The following IL1RAPL1 variants were observed in gnomAD, a reference collection of about 807,000 sequenced individuals.
IL1RAPL1 encodes interleukin-1 receptor accessory protein-like 1.
A neutral mutation model predicts 48.4 loss-of-function variants in IL1RAPL1; 3 were observed. The observed-to-expected ratio is 0.06, with a 90% CI of 0.03 to 0.16. The LOEUF (loss-of-function observed/expected upper bound fraction) is 0.16. Among genes scored for constraint, IL1RAPL1 ranks in the 10% least tolerant of loss-of-function variants. IL1RAPL1 has a pLI of 1.00. For synonymous variants in IL1RAPL1, 185 were observed against 187.7 expected, an observed-to-expected ratio of 0.99 and a Z score of 0.12; for missense variants, 349 against 530.6, an observed-to-expected ratio of 0.66 and a Z score of 3.36.
chrX:29,788,521 C>T (rs1303929046), intron 6 of IL1RAPL1, among the ~76,000 whole-genome samples: 1 of 110,871 alleles, frequency 9.0e-6, no homozygotes, highest in Non-Finnish European at 1.9e-5. Flanking sequence ...TCTTTTTTCC[C>T]TTTCATTTTG....
At chrX:29,477,196 A>C (rs1934987320) in intron 5 of IL1RAPL1, among the ~76,000 whole-genome samples, 1 of 111,432 alleles carries the variant, frequency 9.0e-6, no homozygotes, top group Non-Finnish European at 1.9e-5. Context: ...TTGAAAATGG[A>C]AAAAATAGGA....
intron 6 of IL1RAPL1, among the ~76,000 whole-genome samples, chrX:29,795,353 T>C (rs1372045166): frequency 8.9e-6 from 1 of 112,243 alleles, no homozygotes; most frequent in Non-Finnish European, 1.9e-5. Context: ...ATTTCAACCA[T>C]ATAAACTCTC....
chrX:29,613,743 G>T (rs1602326424), intron 5 of IL1RAPL1, among the ~76,000 whole-genome samples: 1 of 95,668 alleles, frequency 1.0e-5, no homozygotes, highest in African/African-American at 4.1e-5. Context: ...GTGTGTGTGT[G>T]TGTGTGTGTG....
chrX:28,894,373 AC>A (rs1395402855), intron 2 of IL1RAPL1, among the ~76,000 whole-genome samples: 33 of 111,128 alleles, frequency 3.0e-4, no homozygotes, highest in Non-Finnish European at 1.5e-4. Flanking sequence ...CCATCAATAA[AC>A]CAAGTGTGTT....
chrX:29,744,645 T>A (rs1180038483), intron 6 of IL1RAPL1, among the ~76,000 whole-genome samples: 2 of 112,431 alleles, frequency 1.8e-5, no homozygotes, highest in East Asian at 5.5e-4. Flanking sequence ...GCTGTTTGAA[T>A]TGGCCAATGC....
chrX:29,684,500 C>T (rs57915915), intron 6 of IL1RAPL1, among the ~76,000 whole-genome samples: 10,761 of 105,519 alleles, frequency 0.1, 433 homozygotes, highest in Middle Eastern at 0.25. Context: ...CAGATTACAG[C>T]GGTTTCTCAG....
At chrX:29,778,461 C>T (rs1929258664) in intron 6 of IL1RAPL1, among the ~76,000 whole-genome samples, 1 of 111,971 alleles carries the variant, frequency 8.9e-6, no homozygotes, top group Non-Finnish European at 1.9e-5. Flanking sequence ...AATGTTAGCT[C>T]CATGAGCGCA....
intron 2 of IL1RAPL1, among the ~76,000 whole-genome samples, chrX:29,266,138 A>G (rs1196204673): frequency 3.6e-5 from 4 of 111,341 alleles, no homozygotes; most frequent in Non-Finnish European, 5.7e-5. Flanking sequence ...AGGACTATAA[A>G]TCATGCTGCT....
At chrX:28,846,058 A>T (rs890943808) in intron 2 of IL1RAPL1, among the ~76,000 whole-genome samples, 1 of 111,697 alleles carries the variant, frequency 9.0e-6, no homozygotes, top group Non-Finnish European at 1.9e-5. Context: ...TGACCTAAAA[A>T]TCCTCTTTAG....
At chrX:29,705,596 G>T (rs2147117936) in intron 6 of IL1RAPL1, among the ~76,000 whole-genome samples, 1 of 112,357 alleles carries the variant, frequency 8.9e-6, no homozygotes, top group South Asian at 3.7e-4. Context: ...TTACAAATGA[G>T]CAGACTAACA....
intron 2 of IL1RAPL1, among the ~76,000 whole-genome samples, chrX:28,939,880 C>A (rs552767817): frequency 8.1e-5 from 9 of 110,744 alleles, no homozygotes; most frequent in African/African-American, 2.6e-4. Flanking sequence ...AATGACAGAC[C>A]TCAAATTCCA....
chrX:29,803,117 ATG>A (rs1273257901), intron 6 of IL1RAPL1, among the ~76,000 whole-genome samples: 24 of 91,454 alleles, frequency 2.6e-4, no homozygotes, highest in Admixed American at 5.0e-4. Flanking sequence ...ATATGTATAT[ATG>A]TGTATACATG....
At chrX:29,307,507 A>C (rs1036955220) in intron 3 of IL1RAPL1, among the ~76,000 whole-genome samples, 2 of 112,138 alleles carry the variant, frequency 1.8e-5, no homozygotes, top group African/African-American at 6.5e-5. Context: ...ACAGCAGAGA[A>C]AAAAGAAGCT....
chrX:28,796,458 G>T (rs762574514), intron 2 of IL1RAPL1, among the ~76,000 whole-genome samples: 1 of 111,961 alleles, frequency 8.9e-6, no homozygotes, highest in Non-Finnish European at 1.9e-5. Flanking sequence ...GGGGGTACAA[G>T]CATTGGGTAA....
chrX:29,360,171 C>T lies in IL1RAPL1; in HGVS notation c.363-36087C>T, dbSNP rs192203074. Among the ~76,000 whole-genome samples, 104 of 112,086 alleles carry T rather than the reference C, an allele frequency of 9.3e-4. 1 individual carries two copies. Among genetic ancestry groups the T allele is most frequent in the Non-Finnish European group, 2.6e-4 (14 of 53,225 alleles). Reference sequence around the variant, plus strand: ...ATTGTGCTAAATAGTTTAATTATTGCATTTCATTCCCATAATTTTACTGAG... The same window carrying T: ...ATTGTGCTAAATAGTTTAATTATTGTATTTCATTCCCATAATTTTACTGAG... On this transcript the variant is annotated intron_variant, in intron 3 of 10. Coordinates refer to ENST00000378993, the MANE Select transcript of IL1RAPL1 (RefSeq NM_014271.4).
chrX:29,901,085 A>T (rs762931784), intron 6 of IL1RAPL1, among the ~76,000 whole-genome samples: 8 of 111,587 alleles, frequency 7.2e-5, no homozygotes, highest in Non-Finnish European at 1.5e-4. Flanking sequence ...CAGTTCACTG[A>T]TACATCTGCT....
intron 5 of IL1RAPL1, among the ~76,000 whole-genome samples, chrX:29,638,905 G>A (rs1029716203): frequency 8.0e-5 from 9 of 112,309 alleles, no homozygotes; most frequent in Non-Finnish European, 9.4e-5. Context: ...CAGGTTTTAA[G>A]GCCAGGCGCG....
chrX:29,802,777 ATATATG>A lies in IL1RAPL1; in HGVS notation c.779-114685_779-114680del, dbSNP rs60432665. Among the ~76,000 whole-genome samples the A allele has an allele frequency of 7.6e-3, 185 of 24,352 alleles. 5 individuals are homozygous for A. Among genetic ancestry groups the A allele is most frequent in the African/African-American group, 0.029 (134 of 4,621 alleles). 21.1% of individuals were successfully genotyped at this position (24,352 alleles called of 115,157 possible). On this transcript the variant is annotated intron_variant, in intron 6 of 10. Coordinates refer to ENST00000378993, the MANE Select transcript of IL1RAPL1 (RefSeq NM_014271.4). The stretch of plus-strand genomic sequence containing the variant: ...TATATATATATATATATATATATAT[ATATATG>A]TGTGTGTGTATATATATATATATAT...
At chrX:28,818,177 T>C (rs187995723) in intron 2 of IL1RAPL1, among the ~76,000 whole-genome samples, 168 of 111,133 alleles carry the variant, frequency 1.5e-3, no homozygotes, top group African/African-American at 5.4e-3. Flanking sequence ...TATTTGGAAC[T>C]AACTTGAAAG....
Sources: gnomAD v4.1 joint callset for allele counts (sites outside exome capture counted in the v4.1 genomes callset) on GRCh38, gnomAD v4.1.1 for gene constraint, MANE v1.5 for transcripts, NCBI Gene and HGNC (gene_info 2026-07-23, HGNC 2026-07-21) for gene names.